Variants in GAL observed in about 807,000 individuals in gnomAD.
The protein encoded by GAL is galanin peptides.
A neutral mutation model predicts 15.8 loss-of-function variants in GAL; 14 were observed. The observed-to-expected ratio is 0.89, with a 90% CI of 0.59 to 1.39. The LOEUF is 1.39. GAL is among the 40% of genes most tolerant of loss of function. GAL has a pLI of 0.00. For missense variants in GAL, 176 were observed against 170.4 expected (o/e 1.03, Z -0.18); for synonymous variants, 79 against 73.8 (o/e 1.07, Z -0.36).
chr11:68,687,859 C>T (rs775268920), intron 3 of GAL, among the ~76,000 whole-genome samples, 155 bp from the exon 4 acceptor site: 3 of 152,144 alleles, frequency 2.0e-5, no homozygotes, highest in Admixed American at 6.5e-5. Context: ...GGTGGAGAAT[C>T]GCTCCCTCTG....
At position 68,691,092 on chromosome 11, in the gene GAL, T is replaced by C. The variant is rs536237066; in HGVS notation, c.*105T>C. On this transcript the variant is annotated 3_prime_UTR_variant, in exon 6 of 6. Coordinates refer to ENST00000265643, the MANE Select transcript of GAL (RefSeq NM_015973.5). Reference sequence around the variant, plus strand: ...TGCAGAGTCAGCCATTCCTGTTCTCTTTGCCTTGATGTTGTGTTGTTATCA... The same window carrying C: ...TGCAGAGTCAGCCATTCCTGTTCTCCTTGCCTTGATGTTGTGTTGTTATCA... 1.2e-5 allele frequency: 9 copies of C among 746,546 alleles called. No individual in the cohort carries two copies. The South Asian group carries it at 1.3e-4, about 11-fold the overall frequency. The allele number at this position is 746,546 out of a possible 1,614,324, so 46.2% of individuals were successfully genotyped here. A position where few individuals can be genotyped will look rare whatever the true frequency, so the allele number is the denominator to read the frequency against.
Position 68,684,955 on chromosome 11 carries a change from C to T in GAL, c.32C>T (p.Ser11Phe). 1 of 1,609,774 alleles carries T rather than the reference C, an allele frequency of 6.2e-7. No individual in the cohort carries two copies. Among genetic ancestry groups the T allele is most frequent in the Non-Finnish European group, 8.5e-7 (1 of 1,178,470 alleles). Reference protein sequence around the residue: MARGSALLLASLLLAAALSAS... With the variant: MARGSALLLAFLLLAAALSAS... ...CGAGGCAGCGCCCTCCTGCTCGCCT[C>T]CCTCCTCCTCGCCGCGGCCCTTTCT... is the stretch of plus-strand genomic sequence containing the variant. Residue 11 changes from serine (S) to phenylalanine (F), a missense_variant, in exon 2 of 6, where the codon TCC becomes TTC. Physicochemically the swap from Ser to Phe is radical, Grantham distance 155. Coordinates refer to ENST00000265643, the MANE Select transcript of GAL (RefSeq NM_015973.5).
rs542827103 is a variant in GAL at position 68,687,099 on chromosome 11, G to A, written c.137-915G>A. Among the ~76,000 whole-genome samples, 3 of 152,248 alleles carry A rather than the reference G, an allele frequency of 2.0e-5. No individual in the cohort carries two copies. In the South Asian group the frequency reaches 6.2e-4, roughly 32 times the overall value. ...ACGCAGTGTGGCCGTGGCTGAGGGTGCATCAGTGACATGAGGCGACCTATG... is the reference window on the plus strand; with the variant it reads ...ACGCAGTGTGGCCGTGGCTGAGGGTACATCAGTGACATGAGGCGACCTATG... On this transcript the variant is annotated intron_variant, in intron 3 of 5. Transcript: ENST00000265643.
intron 1 of GAL, 21 bp downstream of exon 1, chr11:68,684,753 AC>A: frequency 1.9e-6 from 1 of 520,296 alleles, no homozygotes; most frequent in Non-Finnish European, 3.4e-6. Context: ...CGCCGGGCCG[AC>A]CCTGCGCCCC....
intron 4 of GAL, 43 bp downstream of exon 4, chr11:68,688,143 A>C: frequency 8.3e-7 from 1 of 1,198,350 alleles, no homozygotes; most frequent in Non-Finnish European, 1.2e-6. Context: ...CCTCACTTCC[A>C]CCAGCTCCCA....
At position 68,688,783 on chromosome 11, in the gene GAL, G is replaced by A. The variant is rs564661214; in HGVS notation, c.224-66G>A. 2.0e-4 allele frequency: 158 copies of A among 794,104 alleles called. No homozygotes were observed. In the African/African-American group the frequency reaches 2.2e-3, roughly 11 times the overall value. 49.2% of individuals were successfully genotyped at this position (794,104 alleles called of 1,614,324 possible). On this transcript the variant is annotated intron_variant, in intron 4 of 5. Transcript: ENST00000265643. The stretch of plus-strand genomic sequence containing the variant: ...CAGCGCCCAGCTCCTCTGTAGGGAG[G>A]GGGATGACCTGAGACACTGAAGCAC...
rs1338564105 is a variant in GAL at position 68,691,110 on chromosome 11, T to C, written c.*123T>C. On this transcript the variant is annotated 3_prime_UTR_variant, in exon 6 of 6. Transcript: ENST00000265643. ...TGTTCTCTTTGCCTTGATGTTGTGT[T>C]GTTATCATTTAAGATTTTTTTTTTT... 1.5e-6 allele frequency: 1 copy of C among 653,590 alleles called. No individual in the cohort carries two copies. The highest frequency in any genetic ancestry group is 1.8e-5 in the African/African-American group (1 of 55,112). The allele number at this position is 653,590 out of a possible 1,614,324, so 40.5% of individuals were successfully genotyped here.
intron 3 of GAL, 91 bp downstream of exon 3, chr11:68,685,739 C>CAGG: frequency 1.2e-6 from 1 of 858,730 alleles, no homozygotes; most frequent in Middle Eastern, 2.2e-4. Flanking sequence ...TGCGGCTGGG[C>CAGG]AGACCCTCTG....
chr11:68,686,954 C>T (rs972039241), intron 3 of GAL, among the ~76,000 whole-genome samples: 8 of 152,198 alleles, frequency 5.3e-5, no homozygotes, highest in East Asian at 1.9e-4. Context: ...ATCAATTTTA[C>T]GGCCCTGTTC....
intron 4 of GAL, among the ~76,000 whole-genome samples, chr11:68,688,457 T>A (rs766563154): frequency 1.3e-5 from 2 of 152,116 alleles, no homozygotes; most frequent in African/African-American, 4.8e-5. Flanking sequence ...GGCAAAACCC[T>A]GTCTCTACCA....
Position 68,688,093 on chromosome 11 carries a change from G to A in GAL, c.216G>A (p.Met72Ile), listed in dbSNP as rs375393105. 1.1e-5 allele frequency: 18 copies of A among 1,605,322 alleles called. No individual in the cohort carries two copies. The African/African-American group carries it at 2.4e-4, about 21-fold the overall frequency. Residue 72 changes from methionine to isoleucine, a missense_variant, in exon 4 of 6, where the codon ATG becomes ATA. Transcript: ENST00000265643. ...SKRELRPEDD[M>I]KPGSFDRSIP... ...GGGAGCTGCGGCCCGAAGATGACAT[G>A]AAACCAGGTGAGAGGACTCCTATCC...
chr11:68,686,287 T>C (rs1945851897), intron 3 of GAL, among the ~76,000 whole-genome samples: 1 of 152,258 alleles, frequency 6.6e-6, no homozygotes, highest in East Asian at 1.9e-4. Context: ...TCCACATCCT[T>C]GGTCTGTGCA....
At chr11:68,688,986 C>T in intron 5 of GAL, 60 bp downstream of exon 5, 1 of 837,956 alleles carries the variant, frequency 1.2e-6, no homozygotes, top group South Asian at 1.4e-5. Context: ...CGTAAAAGGC[C>T]CATCGAGAAG....
intron 4 of GAL, 45 bp from the exon 5 acceptor site, chr11:68,688,804 A>C: frequency 1.1e-6 from 1 of 938,818 alleles, no homozygotes; most frequent in African/African-American, 1.6e-5. Flanking sequence ...GAGACACTGA[A>C]GCACCCTCTG....
At chr11:68,687,027 T>C (rs1041353228) in intron 3 of GAL, among the ~76,000 whole-genome samples, 9 of 152,232 alleles carry the variant, frequency 5.9e-5, no homozygotes, top group Admixed American at 2.6e-4. Flanking sequence ...TTCTAGGATC[T>C]GCTAGAAATG....
chr11:68,687,606 A>G (rs866827090), intron 3 of GAL, among the ~76,000 whole-genome samples: 11 of 152,258 alleles, frequency 7.2e-5, no homozygotes, highest in African/African-American at 2.6e-4. Context: ...AGCGTCCCCC[A>G]TGCTTTCAGG....
chr11:68,689,223 C>T (rs557865232), intron 5 of GAL, among the ~76,000 whole-genome samples: 1 of 152,326 alleles, frequency 6.6e-6, no homozygotes, highest in East Asian at 1.9e-4. Context: ...CATATCTATT[C>T]ACACGGTGAC....
Position 68,685,517 on chromosome 11 carries a change from G to A in GAL, c.82-77G>A, listed in dbSNP as rs694066. The A allele has an allele frequency of 0.092, 90,819 of 985,366 alleles. 6,241 individuals carry two copies. Among genetic ancestry groups the A allele is most frequent in the African/African-American group, 0.32 (19,947 of 62,834 alleles). The allele number at this position is 985,366 out of a possible 1,614,324, so 61.0% of individuals were successfully genotyped here. ...ATTGTTCTAAGTCCTCTGCCATGCC[G>A]GGAAAGCCTGGGTGCACCCATTCAG... On this transcript the variant is annotated intron_variant, in intron 2 of 5. Transcript: ENST00000265643.
chr11:68,687,019 C>G (rs900865674), intron 3 of GAL, among the ~76,000 whole-genome samples: 34 of 152,192 alleles, frequency 2.2e-4, no homozygotes, highest in Admixed American at 1.9e-3. Flanking sequence ...CCTTTGATTT[C>G]TAGGATCTGC....
Sources: allele counts gnomAD v4.1 joint callset (sites outside exome capture counted in the v4.1 genomes callset), GRCh38; gene constraint gnomAD v4.1.1; transcripts MANE v1.5; gene names NCBI Gene and HGNC (gene_info 2026-07-23, HGNC 2026-07-21).